The following SNED1 variants were observed in gnomAD, a reference collection of about 807,000 sequenced individuals.
The protein encoded by SNED1 is sushi, nidogen and EGF like domains 1.
In SNED1, 81 loss-of-function variants were observed where a neutral mutation model predicts 166.7. That is an observed-to-expected ratio of 0.49 (90% CI 0.41 to 0.58). The LOEUF (loss-of-function observed/expected upper bound fraction) is 0.58. Among genes scored for constraint, SNED1 ranks in the 20% least tolerant of loss-of-function variants. The pLI is 0.00. For synonymous variants in SNED1, 762 were observed against 822.0 expected (o/e 0.93, Z 1.25); for missense variants, 1,604 against 2,000.2 (o/e 0.80, Z 3.78).
chr2:241,088,471 C>T lies in SNED1; in HGVS notation c.*1+69C>T, dbSNP rs771697328. 10 of 1,315,624 alleles carry T rather than the reference C, an allele frequency of 7.6e-6. No individual in the cohort carries two copies. The East Asian group carries it at 9.2e-5, about 12-fold the overall frequency. The allele number at this position is 1,315,624 out of a possible 1,614,324, so 81.5% of individuals were successfully genotyped here. ...GAAGTGGGGGGCGACTGCCCAGCCCCGGGATCTCAGAGTGCCGCTGCCTGC... is the reference window on the plus strand; with the variant it reads ...GAAGTGGGGGGCGACTGCCCAGCCCTGGGATCTCAGAGTGCCGCTGCCTGC... On this transcript the variant is annotated intron_variant, in intron 31 of 31. Transcript: ENST00000310397.
intron 1 of SNED1, among the ~76,000 whole-genome samples, chr2:241,022,060 T>C (rs956768665): frequency 2.6e-5 from 4 of 152,244 alleles, no homozygotes; most frequent in African/African-American, 7.2e-5. Context: ...CTAAATCTGC[T>C]CTAGAGTAAT....
chr2:241,060,603 T>C (rs908695717), intron 16 of SNED1, among the ~76,000 whole-genome samples: 2 of 151,968 alleles, frequency 1.3e-5, no homozygotes, highest in Admixed American at 6.6e-5. Context: ...TTTCATACAC[T>C]GGAATTAAAT....
chr2:241,085,953 G>A (rs1029396853), intron 29 of SNED1, among the ~76,000 whole-genome samples: 5 of 132,864 alleles, frequency 3.8e-5, no homozygotes, highest in South Asian at 2.6e-4. Context: ...TACAACCTCC[G>A]CCCTCCTGGG....
intron 29 of SNED1, among the ~76,000 whole-genome samples, chr2:241,083,228 A>C (rs1331723444): frequency 1.3e-5 from 2 of 152,072 alleles, no homozygotes; most frequent in Non-Finnish European, 2.9e-5. Context: ...GACATGGAGG[A>C]GGGATGGACA....
At chr2:241,038,119 A>T (rs1022987528) in intron 6 of SNED1, among the ~76,000 whole-genome samples, 15 of 147,814 alleles carry the variant, frequency 1.0e-4, no homozygotes, top group African/African-American at 3.7e-4. Flanking sequence ...CTGCTCAGGG[A>T]GCTTTGCAAA....
rs2062851400 is a variant in SNED1 at position 241,073,521 on chromosome 2, T to G, written c.3916+157T>G. 2 of 687,326 alleles carry G rather than the reference T, an allele frequency of 2.9e-6. No homozygotes were observed. Among genetic ancestry groups the G allele is most frequent in the African/African-American group, 1.8e-5 (1 of 56,542 alleles). The allele number at this position is 687,326 out of a possible 1,614,324, so 42.6% of individuals were successfully genotyped here. A position where few individuals can be genotyped will look rare whatever the true frequency, so the allele number is the denominator to read the frequency against. ...CACCAGGCACCCCGGTGTGGGAAGA[T>G]GGGGTGAAGCTACACCACCCAAGCA... On this transcript the variant is annotated intron_variant, in intron 27 of 31. Transcript: ENST00000310397. The surrounding 1 kb of genome is among the most constrained non-coding windows in gnomAD (Gnocchi z 6.6).
intron 24 of SNED1, 61 bp from the exon 25 acceptor site, chr2:241,071,515 G>A: frequency 6.5e-7 from 1 of 1,536,654 alleles, no homozygotes; most frequent in Non-Finnish European, 8.7e-7. Context: ...CATGCCACAG[G>A]GGCAGGGACA....
intron 6 of SNED1, among the ~76,000 whole-genome samples, chr2:241,037,966 C>T (rs912128914): frequency 6.6e-6 from 1 of 152,172 alleles, no homozygotes; most frequent in Admixed American, 6.5e-5. Flanking sequence ...CCAGCTCTTT[C>T]GAAGCAGTTG....
At chr2:241,072,060 T>A in intron 26 of SNED1, 182 bp downstream of exon 26, 1 of 708,694 alleles carries the variant, frequency 1.4e-6, no homozygotes, top group Non-Finnish European at 2.6e-6. Flanking sequence ...AGCATGCACC[T>A]CCATGGCAGG....
chr2:241,063,458 A>T (rs1420331313), intron 17 of SNED1, 129 bp from the exon 18 acceptor site: 2 of 704,996 alleles, frequency 2.8e-6, no homozygotes, highest in Non-Finnish European at 5.2e-6. Flanking sequence ...GAAAAAGCAC[A>T]TGTCCTGAGT....
At chr2:241,033,596 C>A in intron 2 of SNED1, 139 bp from the exon 3 acceptor site, 1 of 992,256 alleles carries the variant, frequency 1.0e-6, no homozygotes, top group Non-Finnish European at 1.4e-6. Context: ...CCTCGGCTGC[C>A]CGTCCAGCTG....
intron 21 of SNED1, among the ~76,000 whole-genome samples, chr2:241,065,955 G>T (rs2062430271): frequency 1.3e-5 from 2 of 151,104 alleles, no homozygotes; most frequent in African/African-American, 2.5e-5. Flanking sequence ...GGGTGGGCTT[G>T]GGGGGGCTGG....
rs1559332108 is a variant in SNED1 at position 241,094,550 on chromosome 2, CCTT to C, written c.*2915_*2917del. 2.7e-6 allele frequency: 1 copy of C among 365,796 alleles called. No homozygotes were observed. The highest frequency in any genetic ancestry group is 2.1e-5 in the South Asian group (1 of 47,034). The allele number at this position is 365,796 out of a possible 1,614,324, so 22.7% of individuals were successfully genotyped here. A position where few individuals can be genotyped will look rare whatever the true frequency, so the allele number is the denominator to read the frequency against. The stretch of plus-strand genomic sequence containing the variant: ...AAGGAACCCGGCTGAAAAACCAGCT[CCTT>C]ATTTTTCTTTTAAATAAAATAATAC... On this transcript the variant is annotated 3_prime_UTR_variant, in exon 32 of 32. Transcript: ENST00000310397. This position sits in a 1 kb window ranked among gnomAD's most constrained non-coding sequence, Gnocchi z 4.3.
intron 1 of SNED1, chr2:241,015,732 C>A (rs1386212341): frequency 5.8e-6 from 1 of 172,856 alleles, no homozygotes; most frequent in East Asian, 1.9e-4. Context: ...TCCAATGAAT[C>A]GTCTCATAGC....
intron 14 of SNED1, 50 bp downstream of exon 14, chr2:241,052,207 T>C: frequency 6.5e-7 from 1 of 1,543,366 alleles, no homozygotes; most frequent in Non-Finnish European, 9.0e-7. Flanking sequence ...GAACCCTCTC[T>C]GCAGATGTGA....
intron 21 of SNED1, 147 bp downstream of exon 21, chr2:241,065,742 G>A: frequency 4.2e-6 from 3 of 714,266 alleles, no homozygotes; most frequent in Non-Finnish European, 6.9e-6. Flanking sequence ...GGGGTTGGAG[G>A]CACCGCCCTG....
rs756889050 is a variant in SNED1, at chr2:241,040,334, T to C, written c.1194T>C (p.Asn398=). The stretch of plus-strand genomic sequence containing the variant: ...ACTGCAGCCCTGACCCCTGCCTGAA[T>C]GGAGGCTCTTGTGTTGACCTAGTGG... ...VDDCSPDPCL[N]GGSCVDLVGN... is the part of the protein sequence containing the mutation. Residue 398 remains asparagine (N), a synonymous_variant, in exon 8 of 32, where the codon AAT becomes AAC. Transcript: ENST00000310397. The C allele has an allele frequency of 6.2e-7, 1 of 1,609,312 alleles. No homozygotes were observed. The highest frequency in any genetic ancestry group is 1.1e-5 in the South Asian group (1 of 89,788).
At chr2:241,025,173 A>G (rs549932548) in intron 1 of SNED1, among the ~76,000 whole-genome samples, 1 of 152,300 alleles carries the variant, frequency 6.6e-6, no homozygotes, top group East Asian at 1.9e-4. Flanking sequence ...GCGGCATTTG[A>G]TTCTAATAGG....
chr2:241,006,540 TG>T (rs753359372), intron 1 of SNED1, among the ~76,000 whole-genome samples: 15 of 152,220 alleles, frequency 9.9e-5, no homozygotes, highest in Non-Finnish European at 1.9e-4. Context: ...AGATACGAGT[TG>T]CAGATATGGA....
Sources: allele counts gnomAD v4.1 joint callset (sites outside exome capture counted in the v4.1 genomes callset), GRCh38; gene constraint gnomAD v4.1.1; non-coding constraint Gnocchi (gnomAD v3.1); transcripts MANE v1.5; gene names NCBI Gene and HGNC (gene_info 2026-07-23, HGNC 2026-07-21).